SCN10A: variants seen among roughly 807,000 people sequenced by gnomAD.
SCN10A encodes the protein sodium channel protein type 10 subunit alpha.
Under a neutral mutation model 170.7 loss-of-function variants are expected in SCN10A, and 162 were observed. The ratio of observed to expected loss-of-function variants is 0.95; its 90% confidence interval spans 0.84 to 1.08. The LOEUF is 1.08. Ranked by LOEUF, SCN10A falls within the 50% of genes least tolerant of loss-of-function variation. The probability of loss-of-function intolerance (pLI) is 0.00; values close to 1 mark genes in which losing one functional copy is unlikely to be tolerated. For missense variants in SCN10A, 2,527 were observed against 2,436.9 expected, an observed-to-expected ratio of 1.04 and a Z score of -0.78; for synonymous variants, 985 against 904.6, an observed-to-expected ratio of 1.09 and a Z score of -1.59.
Position 38,752,224 on chromosome 3 carries a change from C to T in SCN10A, c.1750G>A (p.Val584Ile). The change falls in exon 12 of 28, where the codon GTC (valine) becomes ATC (isoleucine). Residue 584 changes from valine (V) to isoleucine (I), a missense_variant. Coordinates refer to ENST00000449082, the MANE Select transcript of SCN10A (RefSeq NM_006514.4). ...TSELAPGAVD[V>I]SAFDAGQKKT... The stretch of plus-strand genomic sequence containing the variant: ...TGAAGCATTCACAAACTCACCGAGA[C>T]ATCGACAGCTCCAGGGGCAAGCTCA... The T allele has an allele frequency of 1.3e-6, 2 of 1,515,318 alleles. No individual in the cohort carries two copies. The highest frequency in any genetic ancestry group is 8.8e-7 in the Non-Finnish European group (1 of 1,131,078). 93.9% of individuals were successfully genotyped at this position (1,515,318 alleles called of 1,614,324 possible).
chr3:38,699,942 G>A (rs1322165256), intron 27 of SCN10A, among the ~76,000 whole-genome samples: 2 of 152,114 alleles, frequency 1.3e-5, no homozygotes, highest in Non-Finnish European at 2.9e-5. Flanking sequence ...CTGCCCCAGC[G>A]GATGGTGCTA....
chr3:38,800,112 A>G (rs2064362550), intron 1 of SCN10A, among the ~76,000 whole-genome samples: 4 of 152,176 alleles, frequency 2.6e-5, no homozygotes, highest in South Asian at 4.1e-4. Flanking sequence ...AGCAGTATCT[A>G]TGTGGATTTT....
At chr3:38,746,487 A>T (rs2063692301) in intron 13 of SCN10A, among the ~76,000 whole-genome samples, 1 of 151,896 alleles carries the variant, frequency 6.6e-6, no homozygotes, top group South Asian at 2.1e-4. Flanking sequence ...TTATATCTAC[A>T]AGTATCCAGA....
chr3:38,758,195 A>C (rs1269682747), intron 8 of SCN10A, among the ~76,000 whole-genome samples: 2 of 152,212 alleles, frequency 1.3e-5, no homozygotes, highest in African/African-American at 4.8e-5. Flanking sequence ...AATTCTAATC[A>C]GTTCCAAGTC....
At chr3:38,802,453 G>A (rs560647894) in intron 1 of SCN10A, among the ~76,000 whole-genome samples, 12 of 152,196 alleles carry the variant, frequency 7.9e-5, no homozygotes, top group African/African-American at 2.6e-4. Flanking sequence ...CCAATATACT[G>A]TTTCCTTAGC....
At chr3:38,751,635 A>G (rs2063747932) in intron 12 of SCN10A, among the ~76,000 whole-genome samples, 1 of 152,198 alleles carries the variant, frequency 6.6e-6, no homozygotes, top group African/African-American at 2.4e-5. Context: ...ACAGCTCCCA[A>G]TCCAATGAGG....
intron 24 of SCN10A, among the ~76,000 whole-genome samples, 167 bp from the exon 25 acceptor site, chr3:38,709,782 A>G (rs553241209): frequency 2.6e-5 from 4 of 152,300 alleles, no homozygotes; most frequent in South Asian, 2.1e-4. Context: ...ATGGGAGAAG[A>G]GCCTGTGAAG....
chr3:38,725,173 CCTCAGCAGGGACCTGAGGAACAGA>C lies in SCN10A; in HGVS notation c.3205_3228del (p.Ser1069_Glu1076del). 6 of 1,586,060 alleles carry C rather than the reference CCTCAGCAGGGACCTGAGGAACAGA, an allele frequency of 3.8e-6. No homozygotes were observed. The highest frequency in any genetic ancestry group is 5.2e-6 in the Non-Finnish European group (6 of 1,159,222). On this transcript the variant is annotated inframe_deletion and splice_region_variant, in exon 18 of 28. Transcript: ENST00000449082. ...CCTCTCCAGGAAGCTGACATACCTACCTCAGCAGGGACCTGAGGAACAGACTCATCTTTCCACGTCTCACCCAGG... is the reference window on the plus strand; with the variant it reads ...CCTCTCCAGGAAGCTGACATACCTACCTCATCTTTCCACGTCTCACCCAGG...
At chr3:38,725,081 A>T in intron 18 of SCN10A, 93 bp downstream of exon 18, 1 of 1,244,014 alleles carries the variant, frequency 8.0e-7, no homozygotes, top group Non-Finnish European at 1.1e-6. Flanking sequence ...AGTCTGGAAT[A>T]CCCCACCTTC....
chr3:38,759,580 G>C (rs990602655), intron 8 of SCN10A, among the ~76,000 whole-genome samples: 2 of 152,184 alleles, frequency 1.3e-5, no homozygotes, highest in Non-Finnish European at 2.9e-5. Context: ...CTATGAATGA[G>C]AAATTGCAAA....
intron 9 of SCN10A, 43 bp from the exon 10 acceptor site, chr3:38,756,914 C>T (rs1559447373): frequency 8.7e-6 from 14 of 1,609,592 alleles, no homozygotes; most frequent in Non-Finnish European, 1.2e-5. Context: ...ACCCATAGCA[C>T]ATGGACCCCT....
intron 15 of SCN10A, among the ~76,000 whole-genome samples, chr3:38,734,178 C>T (rs910572252): frequency 3.3e-5 from 5 of 152,106 alleles, no homozygotes; most frequent in African/African-American, 1.2e-4. Flanking sequence ...TGTGCCACCA[C>T]ACCCAGCTAA....
chr3:38,812,000 T>C (rs555697509), intron 1 of SCN10A, among the ~76,000 whole-genome samples: 31 of 152,244 alleles, frequency 2.0e-4, no homozygotes, highest in Non-Finnish European at 4.4e-5. Context: ...AACCAATCAA[T>C]ACTTCCTGAG....
intron 4 of SCN10A, among the ~76,000 whole-genome samples, chr3:38,782,405 C>A (rs969624749): frequency 6.6e-6 from 1 of 152,092 alleles, no homozygotes; most frequent in African/African-American, 2.4e-5. Context: ...TACCACTTCT[C>A]CACCCACTTT....
chr3:38,760,827 C>A, intron 7 of SCN10A, 80 bp from the exon 8 acceptor site: 5 of 1,165,924 alleles, frequency 4.3e-6, no homozygotes, highest in East Asian at 2.4e-5. Context: ...ATGCAATATT[C>A]CCAAGTCTTC....
intron 17 of SCN10A, 21 bp from the exon 18 acceptor site, chr3:38,725,335 C>A (rs1314101878): frequency 6.4e-7 from 1 of 1,552,414 alleles, no homozygotes; most frequent in South Asian, 1.2e-5. Context: ...AGGGTCCCAA[C>A]TGGGTGCCTG....
chr3:38,796,653 T>C (rs1040505541), intron 1 of SCN10A, among the ~76,000 whole-genome samples: 1 of 152,180 alleles, frequency 6.6e-6, no homozygotes, highest in South Asian at 2.1e-4. Context: ...TCCCCTTCCT[T>C]TGCCTAAAAT....
intron 26 of SCN10A, among the ~76,000 whole-genome samples, chr3:38,703,529 T>C (rs988743194): frequency 3.9e-5 from 6 of 152,232 alleles, no homozygotes; most frequent in South Asian, 4.1e-4. Context: ...GAGATTGTTC[T>C]CACTAAGATC....
intron 4 of SCN10A, among the ~76,000 whole-genome samples, chr3:38,774,746 C>T (rs2064051010): frequency 6.6e-6 from 1 of 152,162 alleles, no homozygotes; most frequent in Admixed American, 6.5e-5. Context: ...TCTGTGTAAG[C>T]CCTTCCCATT....
Sources: allele counts gnomAD v4.1 joint callset (sites outside exome capture counted in the v4.1 genomes callset), GRCh38; gene constraint gnomAD v4.1.1; transcripts MANE v1.5; gene names NCBI Gene and HGNC (gene_info 2026-07-23, HGNC 2026-07-21).